MAMDC2: variants seen among roughly 807,000 people sequenced by gnomAD.
MAMDC2 encodes MAM domain-containing protein 2.
A neutral mutation model predicts 89.8 loss-of-function variants in MAMDC2; 57 were observed. The ratio of observed to expected loss-of-function variants is 0.63; its 90% CI spans 0.51 to 0.79. The LOEUF (loss-of-function observed/expected upper bound fraction) is 0.79. Ranked by LOEUF, MAMDC2 falls within the 30% of genes least tolerant of loss-of-function variation. The pLI is 0.00. For synonymous variants in MAMDC2, 313 were observed against 293.4 expected, an observed-to-expected ratio of 1.07 and a Z score of -0.68; for missense variants, 800 against 820.6, an observed-to-expected ratio of 0.97 and a Z score of 0.31.
intron 11 of MAMDC2, among the ~76,000 whole-genome samples, chr9:70,185,716 C>G (rs1027225361): frequency 3.3e-5 from 5 of 152,164 alleles, no homozygotes; most frequent in African/African-American, 4.8e-5. Flanking sequence ...TCAGTAATGA[C>G]GGATGCTCCT....
At chr9:70,106,861 G>A (rs1828356084) in intron 2 of MAMDC2, among the ~76,000 whole-genome samples, 1 of 152,170 alleles carries the variant, frequency 6.6e-6, no homozygotes, top group Admixed American at 6.5e-5. Flanking sequence ...CCTCATGTGA[G>A]GATGGCCGTC....
At chr9:70,160,763 T>G (rs2031943259) in intron 9 of MAMDC2, among the ~76,000 whole-genome samples, 1 of 152,158 alleles carries the variant, frequency 6.6e-6, no homozygotes, top group Non-Finnish European at 1.5e-5. Flanking sequence ...TGGTTCGACA[T>G]TAGCCAGTTC....
chr9:70,044,282 C>T (rs1490866340), intron 1 of MAMDC2, 51 bp downstream of exon 1: 2 of 1,590,056 alleles, frequency 1.3e-6, no homozygotes, highest in Middle Eastern at 1.7e-4. Context: ...CGACTCGCCC[C>T]CGCTCCTGCT....
intron 9 of MAMDC2, among the ~76,000 whole-genome samples, chr9:70,158,644 T>C (rs1366155387): frequency 6.6e-6 from 1 of 152,092 alleles, no homozygotes; most frequent in African/African-American, 2.4e-5. Flanking sequence ...CATTCAAATG[T>C]ACTTATATAT....
At position 70,226,041 on chromosome 9, in the gene MAMDC2, C is replaced by G; in HGVS notation, c.*9C>G. 1 of 1,519,504 alleles carries G rather than the reference C, an allele frequency of 6.6e-7. No homozygotes were observed. 94.1% of individuals were successfully genotyped at this position (1,519,504 alleles called of 1,614,324 possible). A position where few individuals can be genotyped will look rare whatever the true frequency, so the allele number is the denominator to read the frequency against. ...ATGAAATTGAGTATTAAGAAATGAT[C>G]TGCATTGGATTTACTAGACGAAAAC... is the stretch of plus-strand genomic sequence containing the variant. On this transcript the variant is annotated 3_prime_UTR_variant, in exon 14 of 14. Coordinates refer to ENST00000377182, the MANE Select transcript of MAMDC2 (RefSeq NM_153267.5).
intron 4 of MAMDC2, among the ~76,000 whole-genome samples, chr9:70,111,716 A>C (rs1363785738): frequency 3.3e-5 from 5 of 152,206 alleles, no homozygotes; most frequent in Non-Finnish European, 7.3e-5. Flanking sequence ...TGACTACACC[A>C]GTCAAGATCC....
At chr9:70,074,320 T>C (rs1827479031) in intron 2 of MAMDC2, among the ~76,000 whole-genome samples, 1 of 152,260 alleles carries the variant, frequency 6.6e-6, no homozygotes, top group Non-Finnish European at 1.5e-5. Flanking sequence ...CATGGGCATG[T>C]GACTGCTGCA....
At chr9:70,210,342 A>C (rs2033326764) in intron 11 of MAMDC2, among the ~76,000 whole-genome samples, 1 of 152,202 alleles carries the variant, frequency 6.6e-6, no homozygotes, top group African/African-American at 2.4e-5. Flanking sequence ...ATATATATTT[A>C]GGATAGTTAG....
At position 70,126,176 on chromosome 9, in the gene MAMDC2, G is replaced by T. The variant is rs2030535076; in HGVS notation, c.661G>T (p.Asp221Tyr). The change falls in exon 6 of 14, where the codon GAC becomes TAC. Residue 221 changes from aspartate to tyrosine, a missense_variant. By Grantham distance (160) the Asp-to-Tyr change is radical (BLOSUM62 -3). Transcript: ENST00000377182. Reference protein sequence around the residue: ...KSELGHYMYVDSVYVKHFQEV... With the variant: ...KSELGHYMYVYSVYVKHFQEV... The stretch of plus-strand genomic sequence containing the variant: ...ATTTTCAGGCCACTACATGTACGTG[G>T]ACTCAGTTTATGTGAAGCACTTCCA... The T allele has an allele frequency of 6.2e-7, 1 of 1,613,432 alleles. No individual in the cohort carries two copies. The highest frequency in any genetic ancestry group is 8.5e-7 in the Non-Finnish European group (1 of 1,179,678).
intron 11 of MAMDC2, among the ~76,000 whole-genome samples, chr9:70,173,034 C>A (rs999822508): frequency 6.6e-6 from 1 of 152,104 alleles, no homozygotes; most frequent in African/African-American, 2.4e-5. Context: ...TAGCTTCAGG[C>A]ACAGCTTGAT....
At chr9:70,218,633 C>A in intron 12 of MAMDC2, 37 bp downstream of exon 12, 1 of 1,533,346 alleles carries the variant, frequency 6.5e-7, no homozygotes, top group Non-Finnish European at 8.8e-7. Flanking sequence ...CAATGGAAAA[C>A]GTGTAGGAGC....
At chr9:70,140,078 T>C (rs1308108413) in intron 7 of MAMDC2, 67 bp from the exon 8 acceptor site, 6 of 1,453,894 alleles carry the variant, frequency 4.1e-6, no homozygotes, top group Non-Finnish European at 5.4e-6. Context: ...TAAATATCTG[T>C]CAACCAGTTG....
rs943155086 is a variant in MAMDC2, at chr9:70,124,153, G to C, written c.644-2006G>C. Among the ~76,000 whole-genome samples, 9 of 152,298 alleles carry C rather than the reference G, an allele frequency of 5.9e-5. No individual in the cohort carries two copies. The East Asian group carries it at 1.7e-3, about 29-fold the overall frequency. ...GGGAGGCTGGAGAACATGGGGGTGAGGGGCCAGGCTTCTCACCCCAAGCCG... is the reference window on the plus strand; with the variant it reads ...GGGAGGCTGGAGAACATGGGGGTGACGGGCCAGGCTTCTCACCCCAAGCCG... On this transcript the variant is annotated intron_variant, in intron 5 of 13. Transcript: ENST00000377182.
intron 5 of MAMDC2, among the ~76,000 whole-genome samples, chr9:70,123,899 C>T (rs574792948): frequency 2.6e-5 from 4 of 152,308 alleles, no homozygotes; most frequent in South Asian, 4.1e-4. Context: ...CCTGCTGACA[C>T]CTTGATCCTT....
intron 11 of MAMDC2, among the ~76,000 whole-genome samples, chr9:70,211,000 C>G (rs1345051962): frequency 1.2e-4 from 18 of 152,222 alleles, no homozygotes; most frequent in Non-Finnish European, 2.1e-4. Context: ...AAGAGATCAG[C>G]TATTAGTTTG....
chr9:70,212,615 C>T lies in MAMDC2; in HGVS notation c.1652-5722C>T, dbSNP rs577798774. Among the ~76,000 whole-genome samples the T allele has an allele frequency of 3.7e-4, 57 of 152,210 alleles. 1 individual carries two copies. The highest frequency in any genetic ancestry group is 1.3e-3 in the Admixed American group (20 of 15,290). ...CCCCACCCTGCTTCAGCTCACACTC[C>T]GTGGGCTGCATCCGCTGTCCAATAA... On this transcript the variant is annotated intron_variant, in intron 11 of 13. Coordinates refer to ENST00000377182, the MANE Select transcript of MAMDC2 (RefSeq NM_153267.5).
intron 2 of MAMDC2, among the ~76,000 whole-genome samples, chr9:70,080,334 T>C (rs558021883): frequency 6.6e-6 from 1 of 152,310 alleles, no homozygotes; most frequent in East Asian, 1.9e-4. Context: ...TACATGTATG[T>C]GTACATATAT....
At chr9:70,108,725 T>C (rs1828414676) in intron 3 of MAMDC2, among the ~76,000 whole-genome samples, 1 of 152,180 alleles carries the variant, frequency 6.6e-6, no homozygotes, top group African/African-American at 2.4e-5. Flanking sequence ...AAAATCTAAA[T>C]GGGGCTTAAA....
intron 1 of MAMDC2, 92 bp downstream of exon 1, chr9:70,044,323 C>A: frequency 7.1e-7 from 1 of 1,411,622 alleles, no homozygotes; most frequent in Admixed American, 1.9e-5. Flanking sequence ...CCGTGCTGGG[C>A]TGGGCCATCC....
Sources: gnomAD v4.1 joint callset for allele counts (sites outside exome capture counted in the v4.1 genomes callset) on GRCh38, gnomAD v4.1.1 for gene constraint, MANE v1.5 for transcripts, NCBI Gene and HGNC (gene_info 2026-07-23, HGNC 2026-07-21) for gene names.